Variants in ANKDD1B observed in about 807,000 individuals in gnomAD.
The protein encoded by ANKDD1B is ankyrin repeat and death domain-containing protein 1B.
Under a neutral mutation model 59.7 loss-of-function variants are expected in ANKDD1B, and 57 were observed. The observed-to-expected ratio is 0.95, with a 90% CI of 0.77 to 1.19. The LOEUF is 1.19. Among genes scored for constraint, ANKDD1B ranks in the 50% most tolerant of loss-of-function variants. ANKDD1B has a pLI of 0.00. For synonymous variants in ANKDD1B, 216 were observed against 239.5 expected (o/e 0.90, Z 0.91); for missense variants, 602 against 641.9 (o/e 0.94, Z 0.67).
At chr5:75,668,029 T>C (rs1042184131) in intron 12 of ANKDD1B, among the ~76,000 whole-genome samples, 2 of 152,252 alleles carry the variant, frequency 1.3e-5, no homozygotes, top group Non-Finnish European at 2.9e-5. Context: ...ATTTCTTTTT[T>C]GTCATTAATT....
At chr5:75,636,064 C>A (rs1774293591) in intron 7 of ANKDD1B, among the ~76,000 whole-genome samples, 182 bp downstream of exon 7, 1 of 152,220 alleles carries the variant, frequency 6.6e-6, no homozygotes, top group African/African-American at 2.4e-5. Context: ...TTAATCCATT[C>A]ATTTATTCGT....
chr5:75,641,224 A>G (rs1157894754), intron 7 of ANKDD1B, among the ~76,000 whole-genome samples: 2 of 152,220 alleles, frequency 1.3e-5, no homozygotes. Flanking sequence ...TGGAAAAGTT[A>G]AGGAAATCAT....
intron 5 of ANKDD1B, among the ~76,000 whole-genome samples, chr5:75,629,354 C>T (rs906449390): frequency 4.0e-5 from 6 of 151,852 alleles, no homozygotes; most frequent in South Asian, 2.1e-4. Context: ...TGCCTGATCC[C>T]GGGGTGATGG....
At chr5:75,656,664 G>C (rs564577446) in intron 9 of ANKDD1B, among the ~76,000 whole-genome samples, 11 of 152,340 alleles carry the variant, frequency 7.2e-5, no homozygotes, top group Non-Finnish European at 1.6e-4. Context: ...TGCCGCAACG[G>C]AATGATGAAG....
chr5:75,662,717 A>G (rs80301423), intron 10 of ANKDD1B, among the ~76,000 whole-genome samples: 9,630 of 152,068 alleles, frequency 0.063, 490 homozygotes, highest in South Asian at 0.16. Context: ...TAATTCGTCT[A>G]AGTTACCATG....
chr5:75,637,152 G>A (rs1483297523), intron 7 of ANKDD1B, among the ~76,000 whole-genome samples: 1 of 148,820 alleles, frequency 6.7e-6, no homozygotes, highest in Non-Finnish European at 1.5e-5. Flanking sequence ...GGCTGAGGCA[G>A]GAGAGTCGCT....
chr5:75,669,276 G>A lies in ANKDD1B; in HGVS notation c.1418G>A (p.Gly473Asp). ...GGAAATGAAAGCTTCCGTGAACATG[G>A]CCACAGGGCTCTGCTTATCTGGCTA... ...WSGNESFREHGHRALLIWLHG... is the reference protein window; with the variant it reads ...WSGNESFREHDHRALLIWLHG... The change falls in exon 13 of 14, where the codon GGC becomes GAC. Residue 473 changes from glycine (G) to aspartate (D), a missense_variant. Around this residue, in one of 3 missense-constraint regions of ANKDD1B, gnomAD observed 280 missense variants for 319.8 expected, o/e 0.88. Coordinates refer to ENST00000601380, the MANE Select transcript of ANKDD1B (RefSeq NM_001276713.2). The A allele has an allele frequency of 8.1e-7, 1 of 1,232,150 alleles. No homozygotes were observed. Among genetic ancestry groups the A allele is most frequent in the Non-Finnish European group, 1.0e-6 (1 of 987,974 alleles). The allele number at this position is 1,232,150 out of a possible 1,614,324, so 76.3% of individuals were successfully genotyped here.
intron 7 of ANKDD1B, among the ~76,000 whole-genome samples, chr5:75,642,039 G>T (rs549164536): frequency 2.2e-4 from 34 of 152,162 alleles, no homozygotes; most frequent in Middle Eastern, 3.4e-3. Context: ...AAAATATGTT[G>T]CAATATTGAA....
intron 11 of ANKDD1B, 123 bp downstream of exon 11, chr5:75,663,612 A>AT: frequency 2.6e-6 from 2 of 765,118 alleles, no homozygotes; most frequent in Non-Finnish European, 2.2e-6. Context: ...CAGTACAATT[A>AT]TAACTGTCCC....
At chr5:75,658,248 C>A (rs1162381853) in intron 9 of ANKDD1B, among the ~76,000 whole-genome samples, 1 of 151,946 alleles carries the variant, frequency 6.6e-6, no homozygotes, top group Non-Finnish European at 1.5e-5. Context: ...TTGGTAATAT[C>A]CCCAGCATAT....
intron 10 of ANKDD1B, among the ~76,000 whole-genome samples, chr5:75,661,289 GC>G (rs1694281898): frequency 6.7e-6 from 1 of 149,502 alleles, no homozygotes; most frequent in Non-Finnish European, 1.5e-5. Flanking sequence ...CCCAGCTACA[GC>G]GGGGGCTGAG....
intron 10 of ANKDD1B, among the ~76,000 whole-genome samples, chr5:75,661,529 G>A (rs1422757745): frequency 2.6e-5 from 4 of 151,538 alleles, no homozygotes; most frequent in African/African-American, 9.7e-5. Context: ...ACTTTCACCA[G>A]TTGTGCCTGG....
At chr5:75,625,357 T>C (rs1773962420) in intron 3 of ANKDD1B, among the ~76,000 whole-genome samples, 1 of 152,210 alleles carries the variant, frequency 6.6e-6, no homozygotes, top group Admixed American at 6.5e-5. Flanking sequence ...CTATACATTA[T>C]AGTCTGGATT....
chr5:75,623,730 C>G (rs934456712), intron 3 of ANKDD1B, among the ~76,000 whole-genome samples: 1 of 152,000 alleles, frequency 6.6e-6, no homozygotes, highest in African/African-American at 2.4e-5. Flanking sequence ...TAGCAGTGTC[C>G]CTGGCCTCTA....
chr5:75,613,341 G>A (rs150510097), intron 1 of ANKDD1B, among the ~76,000 whole-genome samples: 2 of 152,308 alleles, frequency 1.3e-5, no homozygotes, highest in African/African-American at 4.8e-5. Flanking sequence ...ATCCACTGGA[G>A]AGAGATTAAG....
In ANKDD1B at chr5:75,671,038, T is replaced by C; in HGVS notation, c.1585T>C (p.Ter529GlnextTer9). Residue 529 changes from the stop codon to glutamine (Q), a stop_lost, in exon 14 of 14, where the codon TAA becomes CAA. Transcript: ENST00000601380. ...DSNSKKCVVS[*>Q] is the part of the protein sequence containing the mutation. The stretch of plus-strand genomic sequence containing the variant: ...AAACTCCAAGAAATGTGTAGTTTCA[T>C]AAATGCCTAAAGAAATTGTATTTAC... 2.5e-6 allele frequency: 3 copies of C among 1,220,438 alleles called. No individual in the cohort carries two copies. The highest frequency in any genetic ancestry group is 3.1e-6 in the Non-Finnish European group (3 of 977,344). The allele number at this position is 1,220,438 out of a possible 1,614,324, so 75.6% of individuals were successfully genotyped here.
intron 7 of ANKDD1B, among the ~76,000 whole-genome samples, chr5:75,636,273 G>A (rs550724069): frequency 6.6e-6 from 1 of 152,310 alleles, no homozygotes; most frequent in East Asian, 1.9e-4. Context: ...TCACAGAAGA[G>A]GTGATATATT....
At chr5:75,656,386 A>T (rs977292166) in intron 9 of ANKDD1B, among the ~76,000 whole-genome samples, 2 of 152,144 alleles carry the variant, frequency 1.3e-5, no homozygotes, top group African/African-American at 4.8e-5. Context: ...AGCATTTTTG[A>T]TAGAAAAACA....
rs947094884 is a variant in ANKDD1B at position 75,616,943 on chromosome 5, C to G, written c.297+36C>G. The G allele has an allele frequency of 5.3e-6, 5 of 948,678 alleles. No individual in the cohort carries two copies. In the African/African-American group the frequency reaches 8.2e-5, roughly 16 times the overall value. The allele number at this position is 948,678 out of a possible 1,614,324, so 58.8% of individuals were successfully genotyped here. On this transcript the variant is annotated intron_variant, in intron 2 of 13. Coordinates refer to ENST00000601380, the MANE Select transcript of ANKDD1B (RefSeq NM_001276713.2). The stretch of plus-strand genomic sequence containing the variant: ...GTCATAAATATGACAAGTGACTTCT[C>G]CAGTAATGGCTTGGATTTACACAGG...
Sources: gnomAD v4.1 joint callset for allele counts (sites outside exome capture counted in the v4.1 genomes callset) on GRCh38, gnomAD v4.1.1 for gene constraint, gnomAD v4.1.1 regional missense constraint, MANE v1.5 for transcripts, NCBI Gene and HGNC (gene_info 2026-07-23, HGNC 2026-07-21) for gene names.